Variants in EOLA1 observed in about 807,000 individuals in gnomAD.
EOLA1 encodes the protein endothelium and lymphocyte associated ASCH domain 1, also known as protein EOLA1.
A neutral mutation model predicts 4.5 loss-of-function variants in EOLA1; 1 was observed. The ratio of observed to expected loss-of-function variants is 0.22; its 90% CI spans 0.08 to 1.05. The LOEUF is 1.05. EOLA1 is among the 50% of genes least tolerant of loss of function. The probability of loss-of-function intolerance (pLI) is 0.57; values close to 1 mark genes in which losing one functional copy is unlikely to be tolerated. For synonymous variants in EOLA1, 37 were observed against 52.3 expected (o/e 0.71, Z 1.26); for missense variants, 69 against 127.2 (o/e 0.54, Z 2.20).
At chrX:149,544,802 C>A (rs2089804925) in intron 2 of EOLA1, 1 of 749,590 alleles carries the variant, frequency 1.3e-6, no homozygotes, top group Middle Eastern at 7.6e-4. Flanking sequence ...CTCACAGTAC[C>A]ACTGACCCTG....
chrX:149,545,989 A>G (rs1383646079), intron 4 of EOLA1, 106 bp downstream of exon 4: 31 of 889,978 alleles, frequency 3.5e-5, no homozygotes, highest in Non-Finnish European at 4.2e-5. Flanking sequence ...ATTGGCGTGT[A>G]TAACACAGTT....
chrX:149,545,250 C>A, intron 2 of EOLA1, 118 bp from the exon 3 acceptor site: 1 of 747,625 alleles, frequency 1.3e-6, no homozygotes, highest in Non-Finnish European at 1.6e-6. Context: ...CTAACACCAG[C>A]CCGGACTCTC....
chrX:149,544,477 A>G (rs1266741889), intron 2 of EOLA1: 111 of 744,575 alleles, frequency 1.5e-4, no homozygotes, highest in Admixed American at 9.7e-4. Context: ...GGGCGGGGCC[A>G]CGGGCCTGAG....
rs1481283043 is a variant in EOLA1, at chrX:149,545,583, C to T, written c.-29-19C>T. On this transcript the variant is annotated intron_variant, in intron 3 of 4. Transcript: ENST00000393985. The stretch of plus-strand genomic sequence containing the variant: ...GAGCTTGGAGGGCTGGCGTGTGATG[C>T]GCTTCTGTGCTTCCGCAGGCTACGG... The T allele has an allele frequency of 2.5e-6, 3 of 1,188,065 alleles. No homozygotes were observed. Among genetic ancestry groups the T allele is most frequent in the African/African-American group, 1.8e-5 (1 of 57,142 alleles).
chrX:149,545,526 A>G (rs2089823827), intron 3 of EOLA1, 26 bp downstream of exon 3: 6 of 1,154,566 alleles, frequency 5.2e-6, no homozygotes, highest in Admixed American at 2.6e-5. Context: ...GCCACCTGAG[A>G]GACACGGGGG....
Position 149,542,082 on chromosome X carries a change from C to T in EOLA1, c.-166C>T, listed in dbSNP as rs1217835371. On this transcript the variant is annotated 5_prime_UTR_variant, in exon 2 of 5. Coordinates refer to ENST00000393985, the MANE Select transcript of EOLA1 (RefSeq NM_001171907.3). ...CGTAAAGCAGGTACTCTCTGCAGCA[C>T]CAGGTAGGAGGGGACTCAACCCCCT... 1.2e-5 allele frequency: 9 copies of T among 736,602 alleles called. No homozygotes were observed. The highest frequency in any genetic ancestry group is 8.7e-5 in the Admixed American group (1 of 11,515). The allele number at this position is 736,602 out of a possible 1,213,427, so 60.7% of individuals were successfully genotyped here.
At chrX:149,542,233 A>T (rs1356801914) in intron 2 of EOLA1, 148 bp downstream of exon 2, 2 of 123,792 alleles carry the variant, frequency 1.6e-5, no homozygotes, top group African/African-American at 6.5e-5. Flanking sequence ...GAAAAGAGGC[A>T]AACATTCACT....
chrX:149,547,672 G>C lies in EOLA1; in HGVS notation c.*710G>C, dbSNP rs2089874555. 35 of 702,580 alleles carry C rather than the reference G, an allele frequency of 5.0e-5. No individual in the cohort carries two copies. The highest frequency in any genetic ancestry group is 5.8e-5 in the Non-Finnish European group (35 of 606,198). 57.9% of individuals were successfully genotyped at this position (702,580 alleles called of 1,213,427 possible). Reference sequence around the variant, plus strand: ...GTGATCAGTAGTGTTGTTTTATTTTGTAGTAATTTTTTTTTTTTTTTGGTG... The same window carrying C: ...GTGATCAGTAGTGTTGTTTTATTTTCTAGTAATTTTTTTTTTTTTTTGGTG... On this transcript the variant is annotated 3_prime_UTR_variant, in exon 5 of 5. Transcript: ENST00000393985.
At position 149,546,798 on chromosome X, in the gene EOLA1, G is replaced by T. The variant is rs1223182615; in HGVS notation, c.313G>T (p.Val105Leu). 2 of 1,208,374 alleles carry T rather than the reference G, an allele frequency of 1.7e-6. No individual in the cohort carries two copies. The highest frequency in any genetic ancestry group is 3.5e-5 in the African/African-American group (2 of 56,694). Residue 105 changes from valine to leucine, a missense_variant, in exon 5 of 5, where the codon GTG (valine) becomes TTG (leucine). By Grantham distance (32) the Val-to-Leu change is conservative. Transcript: ENST00000393985. The stretch of plus-strand genomic sequence containing the variant: ...CGAAGACTTAACTCCCGATGAGGTT[G>T]TGGAACTAGAAAATCAAGCTGTACT... ...CPEDLTPDEVVELENQAVLTN... is the reference protein window; with the variant it reads ...CPEDLTPDEVLELENQAVLTN...
intron 2 of EOLA1, among the ~76,000 whole-genome samples, chrX:149,542,313 A>G (rs1456714718): frequency 3.6e-5 from 4 of 111,102 alleles, no homozygotes; most frequent in Non-Finnish European, 7.5e-5. Flanking sequence ...GAAGTAATCC[A>G]GAACCAAGGA....
At chrX:149,544,914 T>G in intron 2 of EOLA1, 1 of 753,592 alleles carries the variant, frequency 1.3e-6, no homozygotes, top group Non-Finnish European at 1.6e-6. Context: ...GTTCTGATTA[T>G]CATTCTTCTT....
chrX:149,544,462 G>T, intron 2 of EOLA1: 4 of 735,635 alleles, frequency 5.4e-6, no homozygotes, highest in Non-Finnish European at 4.8e-6. Flanking sequence ...GGAGTTCAGG[G>T]CCGGGGGCGG....
intron 2 of EOLA1, 140 bp from the exon 3 acceptor site, chrX:149,545,228 G>T (rs1161996244): frequency 4.4e-6 from 3 of 676,703 alleles, no homozygotes; most frequent in Non-Finnish European, 5.4e-6. Context: ...CTCCCTCTGT[G>T]CTGGAAGAGG....
intron 2 of EOLA1, among the ~76,000 whole-genome samples, chrX:149,543,327 A>C (rs1557346709): frequency 1.2e-5 from 1 of 86,635 alleles, no homozygotes; most frequent in Non-Finnish European, 2.2e-5. Flanking sequence ...GGGAAACCAG[A>C]TCAGGAGGGA....
intron 2 of EOLA1, among the ~76,000 whole-genome samples, chrX:149,544,169 C>T (rs1460568532): frequency 1.8e-5 from 1 of 55,985 alleles, no homozygotes; most frequent in Non-Finnish European, 3.3e-5. Context: ...TGGCTGGTGG[C>T]ACCCAGGGCC....
At chrX:149,549,522 C>G (rs782015042), downstream of EOLA1, 7 of 1,094,247 alleles carry the variant, frequency 6.4e-6, no homozygotes, top group Middle Eastern at 2.5e-4. Flanking sequence ...AGATCCTTGT[C>G]GATGATCACG....
Position 149,548,102 on chromosome X carries a change from A to T in EOLA1, c.*1140A>T, listed in dbSNP as rs195217. 5.0e-6 allele frequency: 1 copy of T among 198,804 alleles called. No homozygotes were observed. The highest frequency in any genetic ancestry group is 8.9e-6 in the Non-Finnish European group (1 of 112,608). 16.4% of individuals were successfully genotyped at this position (198,804 alleles called of 1,213,427 possible). A position where few individuals can be genotyped will look rare whatever the true frequency, so the allele number is the denominator to read the frequency against. ...GAAAATGCTGCTTCTCCAAATAAAC[A>T]AGGACAATGGGGACCAAAGCCTGTC... On this transcript the variant is annotated 3_prime_UTR_variant, in exon 5 of 5. Transcript: ENST00000393985.
At chrX:149,541,826 G>A (rs782197973) in intron 1 of EOLA1, 193 bp from the exon 2 acceptor site, 7 of 746,507 alleles carry the variant, frequency 9.4e-6, no homozygotes, top group Non-Finnish European at 1.1e-5. Context: ...ACCCAGACAG[G>A]TGCGGAGGGT....
intron 2 of EOLA1, chrX:149,544,394 G>C (rs1380580791): frequency 1.5e-5 from 3 of 199,526 alleles, no homozygotes; most frequent in African/African-American, 7.5e-5. Context: ...GCGTACTAGA[G>C]GTTGCGTTTA....
Sources: allele counts gnomAD v4.1 joint callset (sites outside exome capture counted in the v4.1 genomes callset), GRCh38; gene constraint gnomAD v4.1.1; transcripts MANE v1.5; gene names NCBI Gene and HGNC (gene_info 2026-07-23, HGNC 2026-07-21).